NLRC4: variants seen among roughly 807,000 people sequenced by gnomAD.
The protein encoded by NLRC4 is NLR family CARD domain containing 4, also known as NLR family CARD domain-containing protein 4.
Under a neutral mutation model 79.9 loss-of-function variants are expected in NLRC4, and 63 were observed. The observed-to-expected ratio is 0.79, with a 90% CI of 0.64 to 0.97. The LOEUF is 0.97. Ranked by LOEUF, NLRC4 falls within the 50% of genes least tolerant of loss-of-function variation. NLRC4 has a pLI of 0.00. For synonymous variants in NLRC4, 461 were observed against 456.5 expected, an observed-to-expected ratio of 1.01 and a Z score of -0.12; for missense variants, 1,074 against 1,215.2, an observed-to-expected ratio of 0.88 and a Z score of 1.73.
intron 4 of NLRC4, among the ~76,000 whole-genome samples, chr2:32,245,800 C>T (rs1235937539): frequency 2.0e-5 from 3 of 152,110 alleles, no homozygotes; most frequent in Non-Finnish European, 4.4e-5. Flanking sequence ...AGGGTTAAGA[C>T]ATCTAAATGA....
intron 4 of NLRC4, 137 bp from the exon 5 acceptor site, chr2:32,241,262 A>G (rs1188618173): frequency 4.8e-6 from 3 of 622,616 alleles, no homozygotes; most frequent in Non-Finnish European, 8.4e-6. Flanking sequence ...TGAAATAGAC[A>G]TAAAAATATA....
rs212714 is a variant in NLRC4 at position 32,235,279 on chromosome 2, A to T, written c.2782+122T>A. On this transcript the variant is annotated intron_variant, in intron 8 of 8. Transcript: ENST00000402280. ...TCTAACGTGAATGAATTCATTAGACATATTTATATTTTAAAAAAAAGAGGA... is the reference window on the plus strand; with the variant it reads ...TCTAACGTGAATGAATTCATTAGACTTATTTATATTTTAAAAAAAAGAGGA... 1.9e-5 allele frequency: 13 copies of T among 701,186 alleles called. No homozygotes were observed. In the East Asian group the frequency reaches 2.1e-4, roughly 11 times the overall value. The allele number at this position is 701,186 out of a possible 1,614,324, so 43.4% of individuals were successfully genotyped here.
Position 32,252,591 on chromosome 2 carries a change from C to T in NLRC4, c.90G>A (p.Trp30Ter), listed in dbSNP as rs148696946. ...IKQITDDLFV[W>*]NVLNREEVNI... The stretch of plus-strand genomic sequence containing the variant: ...TTACTTCTTCGCGATTCAGAACATT[C>T]CATACAAATAGGTCATCTGTGATTT... The change falls in exon 3 of 9, where the codon TGG becomes TGA. Residue 30 changes from tryptophan to a stop codon, truncating the protein, a stop_gained. Transcript: ENST00000402280. LOFTEE classifies it high-confidence loss of function. 35 of 1,614,148 alleles carry T rather than the reference C, an allele frequency of 2.2e-5. No individual in the cohort carries two copies. The African/African-American group carries it at 4.1e-4, about 19-fold the overall frequency.
At chr2:32,241,250 C>A in intron 4 of NLRC4, 125 bp from the exon 5 acceptor site, 1 of 629,864 alleles carries the variant, frequency 1.6e-6, no homozygotes, top group Non-Finnish European at 2.8e-6. Flanking sequence ...CAAAAATGCT[C>A]ATGAAATAGA....
chr2:32,256,525 G>T (rs753906729), intron 2 of NLRC4, among the ~76,000 whole-genome samples: 2 of 152,154 alleles, frequency 1.3e-5, no homozygotes, highest in Non-Finnish European at 2.9e-5. Flanking sequence ...GGCTGAACAG[G>T]TGATGAGAAC....
At chr2:32,253,596 A>G (rs995780103) in intron 2 of NLRC4, among the ~76,000 whole-genome samples, 2 of 152,144 alleles carry the variant, frequency 1.3e-5, no homozygotes, top group South Asian at 2.1e-4. Context: ...AATAATGGCA[A>G]TGGCCTAGGA....
intron 3 of NLRC4, 40 bp from the exon 4 acceptor site, chr2:32,251,641 G>A (rs764046878): frequency 9.3e-6 from 13 of 1,390,946 alleles, no homozygotes; most frequent in Non-Finnish European, 1.2e-5. Context: ...ACCCAATTCT[G>A]TGTCTCCTCA....
chr2:32,231,583 G>GT (rs1347361973), intron 8 of NLRC4, among the ~76,000 whole-genome samples: 1 of 102,100 alleles, frequency 9.8e-6, no homozygotes, highest in Non-Finnish European at 2.0e-5. Context: ...GTGGGGGGGG[G>GT]GTGGGGGACT....
rs1369735687 is a variant in NLRC4 at position 32,224,608 on chromosome 2, A to G, written c.2940T>C (p.Asp980=). 1 of 1,613,962 alleles carries G rather than the reference A, an allele frequency of 6.2e-7. No individual in the cohort carries two copies. The highest frequency in any genetic ancestry group is 1.1e-5 in the South Asian group (1 of 91,076). ...GGCTAAGTTTTCTGACTAATGCTGG[A>G]TCAGGTAGAAATTCTTTAGTACTAA... ...FDFSTKEFLP[D]PALVRKLSQV... Residue 980 remains aspartate, a synonymous_variant, in exon 9 of 9, where the codon GAT becomes GAC. Coordinates refer to ENST00000402280, the MANE Select transcript of NLRC4 (RefSeq NM_001199138.2).
At chr2:32,256,076 T>A (rs1687201912) in intron 2 of NLRC4, among the ~76,000 whole-genome samples, 1 of 152,114 alleles carries the variant, frequency 6.6e-6, no homozygotes, top group African/African-American at 2.4e-5. Flanking sequence ...TATTTTACTA[T>A]GTTATATCTC....
At chr2:32,233,242 G>A (rs1217934428) in intron 8 of NLRC4, among the ~76,000 whole-genome samples, 1 of 130,660 alleles carries the variant, frequency 7.7e-6, no homozygotes, top group East Asian at 2.6e-4. Flanking sequence ...AAGGAGGGGA[G>A]GGGACATACT....
intron 8 of NLRC4, among the ~76,000 whole-genome samples, chr2:32,231,469 A>G (rs1212226805): frequency 2.0e-5 from 3 of 150,648 alleles, no homozygotes; most frequent in South Asian, 2.1e-4. Context: ...GAGTTTTTTT[A>G]TATATTCAAG....
At chr2:32,242,699 T>C (rs1367050962) in intron 4 of NLRC4, among the ~76,000 whole-genome samples, 2 of 152,118 alleles carry the variant, frequency 1.3e-5, no homozygotes, top group African/African-American at 4.8e-5. Flanking sequence ...AATTCCCAAC[T>C]CATTTTATGA....
intron 3 of NLRC4, 114 bp from the exon 4 acceptor site, chr2:32,251,715 A>G (rs889260415): frequency 1.4e-6 from 1 of 714,566 alleles, no homozygotes; most frequent in Non-Finnish European, 2.4e-6. Flanking sequence ...GGTGAATGTA[A>G]TGTCCTTTCC....
chr2:32,253,675 G>A (rs1340580275), intron 2 of NLRC4, among the ~76,000 whole-genome samples: 2 of 151,752 alleles, frequency 1.3e-5, no homozygotes, highest in South Asian at 2.1e-4. Context: ...TTTCAATTAC[G>A]TGCTGCTGGC....
intron 8 of NLRC4, among the ~76,000 whole-genome samples, chr2:32,231,578 G>GGGGGGGGGT (rs1686537923): frequency 8.7e-6 from 1 of 114,946 alleles, no homozygotes; most frequent in Admixed American, 8.9e-5. Flanking sequence ...TTTTTGTGGG[G>GGGGGGGGGT]GGGGGGTGGG....
chr2:32,225,441 GTGTGTA>G (rs1200309516), intron 8 of NLRC4, among the ~76,000 whole-genome samples: 2 of 117,672 alleles, frequency 1.7e-5, no homozygotes, highest in African/African-American at 3.2e-5. Flanking sequence ...GTGTGTGTGT[GTGTGTA>G]TACATACACA....
Position 32,224,752 on chromosome 2 carries a change from T to C in NLRC4, c.2796A>G (p.Gly932=). The C allele has an allele frequency of 6.4e-7, 1 of 1,572,624 alleles. No individual in the cohort carries two copies. The highest frequency in any genetic ancestry group is 8.6e-7 in the Non-Finnish European group (1 of 1,162,146). The change falls in exon 9 of 9, where the codon GGA becomes GGG. Residue 932 remains glycine, a synonymous_variant. Transcript: ENST00000402280. Reference sequence around the variant, plus strand: ...GCTGGAAGTTTTTCAGAGGGTTCTTTCCAAAAAATGCACCTGGGTAAAGAA... The same window carrying C: ...GCTGGAAGTTTTTCAGAGGGTTCTTCCCAAAAAATGCACCTGGGTAAAGAA... The part of the protein sequence containing the change: ...TEIRILGAFF[G]KNPLKNFQQL...
chr2:32,224,770 G>A lies in NLRC4; in HGVS notation c.2783-5C>T, dbSNP rs759040952. On this transcript the variant is annotated splice_polypyrimidine_tract_variant and splice_region_variant and intron_variant, in intron 8 of 8. Transcript: ENST00000402280. ...GGTTCTTTCCAAAAAATGCACCTGG[G>A]TAAAGAAATAAGTATATTAGTTGGA... 2.6e-6 allele frequency: 4 copies of A among 1,535,500 alleles called. No homozygotes were observed. Among genetic ancestry groups the A allele is most frequent in the South Asian group, 2.5e-5 (2 of 79,670 alleles).
Sources: gnomAD v4.1 joint callset for allele counts (sites outside exome capture counted in the v4.1 genomes callset) on GRCh38, gnomAD v4.1.1 for gene constraint, MANE v1.5 for transcripts, NCBI Gene and HGNC (gene_info 2026-07-23, HGNC 2026-07-21) for gene names.